The following PCDHGA1 variants were observed in gnomAD, a reference collection of about 807,000 sequenced individuals.
PCDHGA1 encodes the protein protocadherin gamma subfamily A, 1, also known as protocadherin gamma-A1.
In PCDHGA1, 32 loss-of-function variants were observed where a neutral mutation model predicts 58.0. That is an observed-to-expected ratio of 0.55 (90% CI 0.42 to 0.74). PCDHGA1 has a LOEUF of 0.74. PCDHGA1 is among the 30% of genes least tolerant of loss of function. The probability of loss-of-function intolerance (pLI) is 0.00; values close to 1 mark genes in which losing one functional copy is unlikely to be tolerated. For synonymous variants in PCDHGA1, 498 were observed against 501.1 expected (o/e 0.99, Z 0.08); for missense variants, 1,205 against 1,182.3 (o/e 1.02, Z -0.28).
At chr5:141,371,460 A>G (rs1428114565) in intron 1 of PCDHGA1, 1 of 1,614,004 alleles carries the variant, frequency 6.2e-7, no homozygotes, top group Admixed American at 1.7e-5. Context: ...ATCCCAACAT[A>G]TACAAGAAGA....
intron 1 of PCDHGA1, chr5:141,374,470 T>C (rs1171171112): frequency 6.2e-7 from 1 of 1,612,516 alleles, no homozygotes; most frequent in Admixed American, 1.7e-5. Context: ...TTAATGACAA[T>C]ACACCCCGAT....
Position 141,331,289 on chromosome 5 carries a change from GAGA to G in PCDHGA1, c.614_616del (p.Glu205del), listed in dbSNP as rs749449998. The G allele has an allele frequency of 1.4e-5, 22 of 1,614,006 alleles. No individual in the cohort carries two copies. Among genetic ancestry groups the G allele is most frequent in the African/African-American group, 5.3e-5 (4 of 74,922 alleles). On this transcript the variant is annotated inframe_deletion, in exon 1 of 4. Transcript: ENST00000517417. Reference sequence around the variant, plus strand: ...ATGGTGCTGCAGAGTCCCTTAGACAGAGAAGAAGAAGCTGTCCACCACCTCATC... The same window carrying G: ...ATGGTGCTGCAGAGTCCCTTAGACAGAGAAGAAGCTGTCCACCACCTCATC...
At chr5:141,375,517 C>T (rs1399312320) in intron 1 of PCDHGA1, 3 of 1,614,038 alleles carry the variant, frequency 1.9e-6, no homozygotes, top group Non-Finnish European at 1.7e-6. Flanking sequence ...ATGCACTGGA[C>T]CCTGACGTGG....
Position 141,485,298 on chromosome 5 carries a change from G to A in PCDHGA1, c.2422-9509G>A, listed in dbSNP as rs1562104502. 1 of 1,613,978 alleles carries A rather than the reference G, an allele frequency of 6.2e-7. No individual in the cohort carries two copies. On this transcript the variant is annotated intron_variant, in intron 1 of 3. Coordinates refer to ENST00000517417, the MANE Select transcript of PCDHGA1 (RefSeq NM_018912.3). This position sits in a 1 kb window ranked among gnomAD's most constrained non-coding sequence, Gnocchi z 5.7. ...CCGGTCCCAGAGGAGTCACAGGAAG[G>A]GACTTTTGTAGGGAATGTCGCTCAA...
At chr5:141,390,526 T>A (rs1405081511) in intron 1 of PCDHGA1, 1 of 548,156 alleles carries the variant, frequency 1.8e-6, no homozygotes, top group African/African-American at 1.9e-5. Flanking sequence ...AATGAGGGTG[T>A]GGTTTTAACC....
chr5:141,417,963 A>C (rs1260025037), intron 1 of PCDHGA1: 1 of 1,613,258 alleles, frequency 6.2e-7, no homozygotes, highest in Non-Finnish European at 8.5e-7. Flanking sequence ...CCGATCCGCT[A>C]CTCGATTCCG....
At position 141,476,613 on chromosome 5, in the gene PCDHGA1, G is replaced by A; in HGVS notation, c.2422-18194G>A. On this transcript the variant is annotated intron_variant, in intron 1 of 3. Coordinates refer to ENST00000517417, the MANE Select transcript of PCDHGA1 (RefSeq NM_018912.3). This position sits in a 1 kb window ranked among gnomAD's most constrained non-coding sequence, Gnocchi z 7.6. ...AGCGCGCACGATCCCGATGTGGGAA[G>A]CAACTCTTTACAAACCTATGAGCTG... is the stretch of plus-strand genomic sequence containing the variant. 1 of 1,614,266 alleles carries A rather than the reference G, an allele frequency of 6.2e-7. No homozygotes were observed. The highest frequency in any genetic ancestry group is 1.3e-5 in the African/African-American group (1 of 75,078).
In PCDHGA1 at chr5:141,503,604, A is replaced by G. The variant is rs189211439; in HGVS notation, c.2481-1789A>G. 5.2e-3 allele frequency among the ~76,000 whole-genome samples: 793 copies of G among 151,946 alleles called. 3 individuals carry two copies. The highest frequency in any genetic ancestry group is 8.3e-3 in the Non-Finnish European group (566 of 67,924). On this transcript the variant is annotated intron_variant, in intron 2 of 3. Coordinates refer to ENST00000517417, the MANE Select transcript of PCDHGA1 (RefSeq NM_018912.3). ...ACAGAGCGAGACTCCAGCTCAAAAA[A>G]AAAAAAAAAAGAAAAAAGAAAAGAA...
chr5:141,410,317 C>T lies in PCDHGA1; in HGVS notation c.2421+77212C>T, dbSNP rs527641698. ...CCTTAATCTCAGTGCTCTTCCTCCT[C>T]GCCGTGATTCTGGCCATTGCCTTGC... On this transcript the variant is annotated intron_variant, in intron 1 of 3. Coordinates refer to ENST00000517417, the MANE Select transcript of PCDHGA1 (RefSeq NM_018912.3). The T allele has an allele frequency of 2.7e-5, 43 of 1,614,010 alleles. No individual in the cohort carries two copies. In the East Asian group the frequency reaches 8.0e-4, roughly 30 times the overall value.
chr5:141,405,375 C>T lies in PCDHGA1; in HGVS notation c.2421+72270C>T, dbSNP rs368501516. On this transcript the variant is annotated intron_variant, in intron 1 of 3. Transcript: ENST00000517417. ...CCTATAGAAGACACCCCTTTGGTTC[C>T]GGTGAGTTCATTTTTTTTCTTTCTT... The T allele has an allele frequency of 3.2e-5, 51 of 1,602,124 alleles. No individual in the cohort carries two copies. Among genetic ancestry groups the T allele is most frequent in the East Asian group, 6.7e-5 (3 of 44,850 alleles).
rs554157447 is a variant in PCDHGA1 at position 141,340,857 on chromosome 5, C to T, written c.2421+7752C>T. 2.5e-6 allele frequency: 4 copies of T among 1,613,566 alleles called. No individual in the cohort carries two copies. The Admixed American group carries it at 5.0e-5, about 20-fold the overall frequency. On this transcript the variant is annotated intron_variant, in intron 1 of 3. Coordinates refer to ENST00000517417, the MANE Select transcript of PCDHGA1 (RefSeq NM_018912.3). ...CTGCACACGGGCGAGGTGCGCACGG[C>T]GCGAGCCCTGCTGGACAGAGACGCG... is the stretch of plus-strand genomic sequence containing the variant.
chr5:141,340,066 A>G (rs143727841), intron 1 of PCDHGA1: 224 of 1,613,934 alleles, frequency 1.4e-4, no homozygotes, highest in Non-Finnish European at 1.8e-4. Flanking sequence ...CAGGAACCAT[A>G]ATTGGGCTTT....
intron 1 of PCDHGA1, chr5:141,383,125 G>T: frequency 6.2e-7 from 1 of 1,614,062 alleles, no homozygotes. Context: ...GCAGCTTTTC[G>T]CCCTGAACCA....
Position 141,431,075 on chromosome 5 carries a change from C to G in PCDHGA1, c.2422-63732C>G. ...GGGGGCCATCAAGTGTCAATTAAAT[C>G]TAGACATTCTGATGGAGGATAAAGT... is the stretch of plus-strand genomic sequence containing the variant. On this transcript the variant is annotated intron_variant, in intron 1 of 3. Coordinates refer to ENST00000517417, the MANE Select transcript of PCDHGA1 (RefSeq NM_018912.3). The surrounding 1 kb of genome is among the most constrained non-coding windows in gnomAD (Gnocchi z 4.8). 1 of 1,614,156 alleles carries G rather than the reference C, an allele frequency of 6.2e-7. No homozygotes were observed. Among genetic ancestry groups the G allele is most frequent in the Non-Finnish European group, 8.5e-7 (1 of 1,179,984 alleles).
intron 1 of PCDHGA1, among the ~76,000 whole-genome samples, chr5:141,401,455 A>G (rs1589438348): frequency 6.6e-6 from 1 of 152,256 alleles, no homozygotes; most frequent in East Asian, 1.9e-4. Flanking sequence ...AATCATCCAA[A>G]TAATTTTCTA....
Position 141,477,686 on chromosome 5 carries a change from C to T in PCDHGA1, c.2422-17121C>T, listed in dbSNP as rs201090822. Reference sequence around the variant, plus strand: ...CAATGGCATAGTGTCATCCTTAGTGCCCCTAGACTATGAGGATCGGCGGGA... The same window carrying T: ...CAATGGCATAGTGTCATCCTTAGTGTCCCTAGACTATGAGGATCGGCGGGA... On this transcript the variant is annotated intron_variant, in intron 1 of 3. Coordinates refer to ENST00000517417, the MANE Select transcript of PCDHGA1 (RefSeq NM_018912.3). This position sits in a 1 kb window ranked among gnomAD's most constrained non-coding sequence, Gnocchi z 4.9. The T allele has an allele frequency of 4.3e-6, 7 of 1,614,024 alleles. No homozygotes were observed. The highest frequency in any genetic ancestry group is 1.6e-4 in the Middle Eastern group (1 of 6,084).
Position 141,423,519 on chromosome 5 carries a change from G to A in PCDHGA1, c.2422-71288G>A, listed in dbSNP as rs758742300. On this transcript the variant is annotated intron_variant, in intron 1 of 3. Coordinates refer to ENST00000517417, the MANE Select transcript of PCDHGA1 (RefSeq NM_018912.3). ...ACGAGGTCTCTCTCATTGCGGACTC[G>A]CAGAAGAGTCACCTGATTTTCCCCC... 8.1e-6 allele frequency: 13 copies of A among 1,613,752 alleles called. 1 individual carries two copies. In the South Asian group the frequency reaches 1.1e-4, roughly 14 times the overall value.
intron 1 of PCDHGA1, chr5:141,415,974 CAA>C (rs1192315813): frequency 2.7e-6 from 1 of 375,644 alleles, no homozygotes; most frequent in Non-Finnish European, 4.4e-6. Context: ...GCCCCTTAAG[CAA>C]CCCTCTTGTT....
intron 1 of PCDHGA1, chr5:141,339,650 C>G (rs774723964): frequency 6.2e-7 from 1 of 1,614,174 alleles, no homozygotes; most frequent in Non-Finnish European, 8.5e-7. Flanking sequence ...TGGCACCTCC[C>G]GCATCTGCGT....
Sources: allele counts gnomAD v4.1 joint callset (sites outside exome capture counted in the v4.1 genomes callset), GRCh38; gene constraint gnomAD v4.1.1; non-coding constraint Gnocchi (gnomAD v3.1); transcripts MANE v1.5; gene names NCBI Gene and HGNC (gene_info 2026-07-23, HGNC 2026-07-21).